Variants in MYLK observed in about 807,000 individuals in gnomAD.
The protein encoded by MYLK is myosin light chain kinase.
A neutral mutation model predicts 203.4 loss-of-function variants in MYLK; 106 were observed. That is an observed-to-expected ratio of 0.52 (90% CI 0.45 to 0.61). The LOEUF (loss-of-function observed/expected upper bound fraction) is 0.61. Among genes scored for constraint, MYLK ranks in the 20% least tolerant of loss-of-function variants. MYLK has a pLI of 0.00. For missense variants in MYLK, 2,072 were observed against 2,442.3 expected, an observed-to-expected ratio of 0.85 and a Z score of 3.20; for synonymous variants, 867 against 959.5, an observed-to-expected ratio of 0.90 and a Z score of 1.78.
intron 2 of MYLK, among the ~76,000 whole-genome samples, chr3:123,832,030 G>A (rs1274533331): frequency 6.6e-6 from 1 of 152,210 alleles, no homozygotes; most frequent in South Asian, 2.1e-4. Context: ...AGTGCAGGTA[G>A]GTGGCTGTTG....
At chr3:123,844,596 A>G (rs772924340) in intron 2 of MYLK, among the ~76,000 whole-genome samples, 7 of 152,092 alleles carry the variant, frequency 4.6e-5, no homozygotes, top group Admixed American at 3.9e-4. Context: ...GACAGGAGCA[A>G]TTGACCACTC....
chr3:123,682,444 A>G lies in MYLK; in HGVS notation c.3566-134T>C, dbSNP rs575057740. 887 of 738,074 alleles carry G rather than the reference A, an allele frequency of 1.2e-3. 12 individuals carry two copies. The highest frequency in any genetic ancestry group is 0.011 in the South Asian group (740 of 66,542). The allele number at this position is 738,074 out of a possible 1,614,324, so 45.7% of individuals were successfully genotyped here. A position where few individuals can be genotyped will look rare whatever the true frequency, so the allele number is the denominator to read the frequency against. ...GCCCTTTGTGCCCGCTGGGCAGAAC[A>G]GCGCCTGTGTCCAGGCAACCTATTT... On this transcript the variant is annotated intron_variant, in intron 19 of 33. Coordinates refer to ENST00000360304, the MANE Select transcript of MYLK (RefSeq NM_053025.4).
intron 23 of MYLK, among the ~76,000 whole-genome samples, chr3:123,661,211 C>A (rs1294502291): frequency 6.6e-6 from 1 of 152,000 alleles, no homozygotes; most frequent in African/African-American, 2.4e-5. Context: ...CGTGGCACTG[C>A]GCAGGAGCTG....
At chr3:123,827,171 G>C (rs2066148692) in intron 3 of MYLK, among the ~76,000 whole-genome samples, 1 of 152,094 alleles carries the variant, frequency 6.6e-6, no homozygotes, top group Non-Finnish European at 1.5e-5. Context: ...TTGAAGATTT[G>C]AATGAGAAAT....
chr3:123,764,723 T>C (rs965632598), intron 4 of MYLK, among the ~76,000 whole-genome samples: 6 of 152,196 alleles, frequency 3.9e-5, no homozygotes, highest in African/African-American at 1.4e-4. Flanking sequence ...GAGAGGGGTC[T>C]GGGGCATGGA....
chr3:123,792,802 C>T (rs1356491818), intron 4 of MYLK, among the ~76,000 whole-genome samples: 1 of 152,106 alleles, frequency 6.6e-6, no homozygotes, highest in Non-Finnish European at 1.5e-5. Context: ...ACTAACATCC[C>T]CAACAATCTT....
chr3:123,734,473 T>C, intron 9 of MYLK: 1 of 428,078 alleles, frequency 2.3e-6, no homozygotes, highest in Non-Finnish European at 4.1e-6. Context: ...TACAGTTCCC[T>C]TCTCTACTAG....
intron 16 of MYLK, among the ~76,000 whole-genome samples, chr3:123,702,358 G>A (rs956931247): frequency 2.0e-5 from 3 of 152,214 alleles, no homozygotes; most frequent in African/African-American, 7.2e-5. Flanking sequence ...AGTGATGGTT[G>A]TAACAACTGC....
intron 27 of MYLK, among the ~76,000 whole-genome samples, chr3:123,641,819 T>C (rs1428584428): frequency 7.4e-6 from 1 of 135,672 alleles, no homozygotes; most frequent in Non-Finnish European, 1.6e-5. Context: ...CCTCCCTCCT[T>C]TCCTCCTTCT....
chr3:123,622,757 T>C (rs1351382512), intron 31 of MYLK: 1 of 152,248 alleles, frequency 6.6e-6, no homozygotes, highest in Non-Finnish European at 1.5e-5. Context: ...GAGGAAGTTA[T>C]TTGTCAGAAC....
chr3:123,792,542 AGT>A (rs2064819220), intron 4 of MYLK, among the ~76,000 whole-genome samples: 1 of 152,144 alleles, frequency 6.6e-6, no homozygotes, highest in Non-Finnish European at 1.5e-5. Flanking sequence ...TCCTATAATC[AGT>A]GGCTTTTTGT....
In MYLK at chr3:123,733,169, G is replaced by A. The variant is rs1052629764; in HGVS notation, c.1310-67C>T. ...AGAGCACCCTGTGATTGTGAGGTAG[G>A]TGGGGAAGGTGTGAGCTGGAGGAAA... On this transcript the variant is annotated intron_variant, in intron 10 of 33. Transcript: ENST00000360304. 17 of 1,540,468 alleles carry A rather than the reference G, an allele frequency of 1.1e-5. No individual in the cohort carries two copies. The African/African-American group carries it at 1.6e-4, about 15-fold the overall frequency.
At chr3:123,749,911 A>C (rs1186244041) in intron 5 of MYLK, among the ~76,000 whole-genome samples, 2 of 152,212 alleles carry the variant, frequency 1.3e-5, no homozygotes, top group Non-Finnish European at 2.9e-5. Context: ...TATGAATTAC[A>C]CTCTGAATTC....
chr3:123,660,488 G>A (rs914230410), intron 23 of MYLK, among the ~76,000 whole-genome samples: 12 of 152,110 alleles, frequency 7.9e-5, no homozygotes, highest in Non-Finnish European at 1.6e-4. Flanking sequence ...TTCCCCACAG[G>A]CCAAGACCAG....
intron 24 of MYLK, among the ~76,000 whole-genome samples, chr3:123,656,174 A>T (rs962126027): frequency 6.6e-6 from 1 of 152,150 alleles, no homozygotes; most frequent in Middle Eastern, 3.2e-3. Context: ...GTTCGTGTGC[A>T]TCTGAATCCC....
Position 123,629,463 on chromosome 3 carries a change from C to T in MYLK, c.5114+11G>A. ...AGTAGGGAAGCAAAGACTGAAATCC[C>T]AACTCATTACTTCATATCTTTCTTC... On this transcript the variant is annotated intron_variant, in intron 30 of 33. Transcript: ENST00000360304. The surrounding 1 kb of genome is among the most constrained non-coding windows in gnomAD (Gnocchi z 4.4). 3 of 1,614,110 alleles carry T rather than the reference C, an allele frequency of 1.9e-6. No individual in the cohort carries two copies. The highest frequency in any genetic ancestry group is 2.5e-6 in the Non-Finnish European group (3 of 1,180,002).
intron 3 of MYLK, among the ~76,000 whole-genome samples, chr3:123,827,694 CATATATATATATATAT>C (rs3052386): frequency 0.056 from 1,351 of 24,286 alleles, 45 homozygotes; most frequent in Middle Eastern, 0.12. Context: ...TGAAAAACAC[CATATATATATATATAT>C]ATATATATAT....
chr3:123,754,185 C>T (rs2063293996), intron 4 of MYLK, among the ~76,000 whole-genome samples: 1 of 152,174 alleles, frequency 6.6e-6, no homozygotes, highest in Non-Finnish European at 1.5e-5. Flanking sequence ...GTCTCTGTAA[C>T]CAGGATGCAG....
chr3:123,849,399 C>T (rs1429761329), intron 2 of MYLK, among the ~76,000 whole-genome samples: 1 of 152,132 alleles, frequency 6.6e-6, no homozygotes, highest in East Asian at 1.9e-4. Context: ...AGAAATACTA[C>T]CTAGCCAACC....
Sources: allele counts gnomAD v4.1 joint callset (sites outside exome capture counted in the v4.1 genomes callset), GRCh38; gene constraint gnomAD v4.1.1; non-coding constraint Gnocchi (gnomAD v3.1); transcripts MANE v1.5; gene names NCBI Gene and HGNC (gene_info 2026-07-23, HGNC 2026-07-21).